The following NOS3 variants were observed in gnomAD, a reference collection of about 807,000 sequenced individuals.
The protein encoded by NOS3 is NOS type III.
A neutral mutation model predicts 144.9 loss-of-function variants in NOS3; 98 were observed. The ratio of observed to expected loss-of-function variants is 0.68; its 90% CI spans 0.57 to 0.80. The LOEUF (loss-of-function observed/expected upper bound fraction) is 0.80, where lower values mean the gene tolerates loss of function less well. Ranked by LOEUF, NOS3 falls within the 30% of genes least tolerant of loss-of-function variation. The pLI, the probability that NOS3 is intolerant of heterozygous loss-of-function variation, is 0.00. For synonymous variants in NOS3, 714 were observed against 702.4 expected, an observed-to-expected ratio of 1.02 and a Z score of -0.26; for missense variants, 1,465 against 1,656.4, an observed-to-expected ratio of 0.88 and a Z score of 2.01.
rs997689159 is a variant in NOS3 at position 151,003,322 on chromosome 7, C to T, written c.1752+1018C>T. 9.1e-6 allele frequency: 6 copies of T among 659,764 alleles called. No individual in the cohort carries two copies. The highest frequency in any genetic ancestry group is 1.4e-5 in the Non-Finnish European group (6 of 419,286). The allele number at this position is 659,764 out of a possible 1,614,324, so 40.9% of individuals were successfully genotyped here. Reference sequence around the variant, plus strand: ...TGTATTTTTTATAGAGATGGGGTTTCGCCATGTTGCCCAGGCTGGTCTCTA... The same window carrying T: ...TGTATTTTTTATAGAGATGGGGTTTTGCCATGTTGCCCAGGCTGGTCTCTA... On this transcript the variant is annotated intron_variant, in intron 14 of 26. Coordinates refer to ENST00000297494, the MANE Select transcript of NOS3 (RefSeq NM_000603.5). This position sits in a 1 kb window ranked among gnomAD's most constrained non-coding sequence, Gnocchi z 4.1.
intron 10 of NOS3, 110 bp from the exon 11 acceptor site, chr7:151,001,121 T>C (rs1237634753): frequency 5.8e-6 from 6 of 1,029,454 alleles, no homozygotes; most frequent in African/African-American, 1.6e-5. Context: ...GTGTGTTAGA[T>C]ATGGGGTAAT....
rs142910826 is a variant in NOS3, at chr7:151,010,274, A to C, written c.2672A>C (p.Glu891Ala). The change falls in exon 21 of 27, where the codon GAG (glutamate) becomes GCG (alanine). Residue 891 changes from glutamate (E) to alanine (A), a missense_variant. By Grantham distance (107) the Glu-to-Ala change is moderately radical (BLOSUM62 -1). Around this residue, in one of 5 missense-constraint regions of NOS3, gnomAD observed 745 missense variants for 853.9 expected, o/e 0.87. Coordinates refer to ENST00000297494, the MANE Select transcript of NOS3 (RefSeq NM_000603.5). ...AEEPREQQEL[E>A]ALSQDPRRYE... Reference sequence around the variant, plus strand: ...GAGCCCAGGGAACAGCAGGAGCTGGAGGCCCTCAGCCAGGTTGGGGGCCAC... The same window carrying C: ...GAGCCCAGGGAACAGCAGGAGCTGGCGGCCCTCAGCCAGGTTGGGGGCCAC... The C allele has an allele frequency of 2.5e-5, 40 of 1,612,478 alleles. No homozygotes were observed. Among genetic ancestry groups the C allele is most frequent in the Non-Finnish European group, 3.4e-5 (40 of 1,179,748 alleles).
chr7:151,013,637 T>C lies in NOS3; in HGVS notation c.3256-87T>C, dbSNP rs1265953910. 14 of 1,246,982 alleles carry C rather than the reference T, an allele frequency of 1.1e-5. No individual in the cohort carries two copies. In the Admixed American group the frequency reaches 3.1e-4, roughly 28 times the overall value. The allele number at this position is 1,246,982 out of a possible 1,614,324, so 77.2% of individuals were successfully genotyped here. A position where few individuals can be genotyped will look rare whatever the true frequency, so the allele number is the denominator to read the frequency against. On this transcript the variant is annotated intron_variant, in intron 25 of 26. Coordinates refer to ENST00000297494, the MANE Select transcript of NOS3 (RefSeq NM_000603.5). ...GCCCCACCAGGCCCGCTCCGGAGAC[T>C]TTCACGTCCAGGGCCAGCCAGCAGC...
At position 151,010,956 on chromosome 7, in the gene NOS3, C is replaced by A; in HGVS notation, c.2954C>A (p.Pro985His). The A allele has an allele frequency of 6.2e-7, 1 of 1,613,896 alleles. No homozygotes were observed. Among genetic ancestry groups the A allele is most frequent in the Non-Finnish European group, 8.5e-7 (1 of 1,179,894 alleles). The stretch of plus-strand genomic sequence containing the variant: ...TCCACGTGGCTAAGCCAGCTCAAGC[C>A]CGGAGACCCTGTGCCCTGCTTCATC... ...VCSTWLSQLK[P>H]GDPVPCFIRG... The change falls in exon 23 of 27, where the codon CCC becomes CAC. Residue 985 changes from proline to histidine, a missense_variant. By Grantham distance (77) the Pro-to-His change is moderately conservative. This residue lies in a region of NOS3 where 106 missense variants were observed against 167.7 expected (regional missense o/e 0.63). Transcript: ENST00000297494.
chr7:151,007,146 G>C lies in NOS3; in HGVS notation c.1982G>C (p.Cys661Ser), dbSNP rs1236815027. The C allele has an allele frequency of 6.2e-7, 1 of 1,613,996 alleles. No individual in the cohort carries two copies. The highest frequency in any genetic ancestry group is 1.1e-5 in the South Asian group (1 of 91,086). The change falls in exon 17 of 27, where the codon TGC becomes TCC. Residue 661 changes from cysteine to serine, a missense_variant. By Grantham distance (112) the Cys-to-Ser change is moderately radical (BLOSUM62 -1). Transcript: ENST00000297494. ...GLGSRAYPHF[C>S]AFARAVDTRL... ...GGCTCCCGGGCATACCCCCACTTCT[G>C]CGCCTTTGCTCGTGCCGTGGACACA...
At chr7:151,007,930 T>G (rs1795231423) in intron 17 of NOS3, among the ~76,000 whole-genome samples, 1 of 152,022 alleles carries the variant, frequency 6.6e-6, no homozygotes, top group Admixed American at 6.5e-5. Context: ...AGGCTGGAGC[T>G]CAGCAGATTT....
chr7:151,012,534 G>A (rs1795328848), intron 24 of NOS3, 62 bp downstream of exon 24: 1 of 1,553,968 alleles, frequency 6.4e-7, no homozygotes, highest in Non-Finnish European at 8.8e-7. Flanking sequence ...CAGAGGGGTG[G>A]GGCTGGAAGG....
In NOS3 at chr7:151,013,894, C is replaced by T. The variant is rs777835797; in HGVS notation, c.3426C>T (p.Ala1142=). The T allele has an allele frequency of 5.5e-5, 88 of 1,600,002 alleles. No individual in the cohort carries two copies. The highest frequency in any genetic ancestry group is 6.5e-5 in the Non-Finnish European group (76 of 1,173,698). ...AGGGCGACATGGAGCTGGACGAGGC[C>T]GGCGACGTCATCGGCGTGCTGCGGG... ...ATEGDMELDE[A]GDVIGVLRDQ... The change falls in exon 26 of 27, where the codon GCC becomes GCT. Residue 1142 remains alanine, a synonymous_variant. Coordinates refer to ENST00000297494, the MANE Select transcript of NOS3 (RefSeq NM_000603.5).
intron 9 of NOS3, among the ~76,000 whole-genome samples, chr7:151,000,001 G>A (rs1210737428): frequency 6.7e-6 from 1 of 148,936 alleles, no homozygotes; most frequent in South Asian, 2.1e-4. Flanking sequence ...TGTGGGGTGT[G>A]TAGGGGCGAG....
intron 20 of NOS3, 32 bp downstream of exon 20, chr7:151,009,617 ACCAGCCCCATGC>A: frequency 1.4e-6 from 2 of 1,475,622 alleles, no homozygotes; most frequent in Non-Finnish European, 1.8e-6. Context: ...AACAGGGCAC[ACCAGCCCCATGC>A]CCAGCCCCAC....
At chr7:151,011,093 G>A (rs1330920424) in intron 23 of NOS3, 107 bp downstream of exon 23, 2 of 750,702 alleles carry the variant, frequency 2.7e-6, no homozygotes, top group Non-Finnish European at 4.6e-6. Context: ...AAGGAGCTCT[G>A]TAACATGTCA....
Position 151,003,608 on chromosome 7 carries a change from C to A in NOS3, c.1752+1304C>A. 1 of 1,198,916 alleles carries A rather than the reference C, an allele frequency of 8.3e-7. No individual in the cohort carries two copies. The highest frequency in any genetic ancestry group is 1.1e-6 in the Non-Finnish European group (1 of 892,282). 74.3% of individuals were successfully genotyped at this position (1,198,916 alleles called of 1,614,324 possible). ...CTTCACAAGGCATAGCACATTTTCA[C>A]CACCCTGGAAAGTTCCCTCATCAGT... On this transcript the variant is annotated intron_variant, in intron 14 of 26. Coordinates refer to ENST00000297494, the MANE Select transcript of NOS3 (RefSeq NM_000603.5). This position sits in a 1 kb window ranked among gnomAD's most constrained non-coding sequence, Gnocchi z 4.1.
At chr7:151,011,098 A>G in intron 23 of NOS3, 112 bp downstream of exon 23, 2 of 725,340 alleles carry the variant, frequency 2.8e-6, no homozygotes, top group Non-Finnish European at 2.4e-6. Flanking sequence ...GCTCTGTAAC[A>G]TGTCAAGGGT....
At chr7:150,994,665 T>C (rs1802328499) in intron 2 of NOS3, among the ~76,000 whole-genome samples, 1 of 152,176 alleles carries the variant, frequency 6.6e-6, no homozygotes, top group East Asian at 1.9e-4. Flanking sequence ...CAGGGAAGGC[T>C]GAGGGCCGGG....
At chr7:151,013,688 C>A in intron 25 of NOS3, 36 bp from the exon 26 acceptor site, 2 of 1,503,704 alleles carry the variant, frequency 1.3e-6, no homozygotes, top group South Asian at 2.4e-5. Flanking sequence ...CGCGCCCACC[C>A]CCACCAGGGC....
In NOS3 at chr7:150,998,874, C is replaced by T; in HGVS notation, c.817-72C>T. On this transcript the variant is annotated intron_variant, in intron 7 of 26. Coordinates refer to ENST00000297494, the MANE Select transcript of NOS3 (RefSeq NM_000603.5). This position sits in a 1 kb window ranked among gnomAD's most constrained non-coding sequence, Gnocchi z 5.0. ...GGACCCTGGAGATGAAGGCAGGAGA[C>T]AGTGGATGGAGGGGTCCCTGAGGAG... 1.3e-6 allele frequency: 2 copies of T among 1,544,870 alleles called. No individual in the cohort carries two copies. Among genetic ancestry groups the T allele is most frequent in the East Asian group, 2.3e-5 (1 of 44,144 alleles).
chr7:150,999,798 T>A, intron 9 of NOS3, among the ~76,000 whole-genome samples: 1 of 134,052 alleles, frequency 7.5e-6, no homozygotes, highest in African/African-American at 2.9e-5. Flanking sequence ...GTGTGTGGGT[T>A]TGTAGGGGTA....
At position 150,998,548 on chromosome 7, in the gene NOS3, C is replaced by A. The variant is rs1216416357; in HGVS notation, c.684C>A (p.Ile228=). 6.2e-7 allele frequency: 1 copy of A among 1,610,634 alleles called. No homozygotes were observed. Among genetic ancestry groups the A allele is most frequent in the South Asian group, 1.1e-5 (1 of 90,642 alleles). The part of the protein sequence containing the change: ...ATNRGNLRSA[I]TVFPQRCPGR... ...TCCCCATGCGTGCCAGCTCGGCCAT[C>A]ACAGTGTTCCCGCAGCGCTGCCCTG... The change falls in exon 7 of 27, where the codon ATC becomes ATA. Residue 228 remains isoleucine, a synonymous_variant. Transcript: ENST00000297494. The surrounding 1 kb of genome is among the most constrained non-coding windows in gnomAD (Gnocchi z 5.0).
rs201015554 is a variant in NOS3, at chr7:151,013,929, GCGGGC to G, written c.3450+18_3450+22del. 6.3e-7 allele frequency: 1 copy of G among 1,598,094 alleles called. No individual in the cohort carries two copies. Among genetic ancestry groups the G allele is most frequent in the South Asian group, 1.1e-5 (1 of 89,370 alleles). On this transcript the variant is annotated intron_variant, in intron 26 of 26. Coordinates refer to ENST00000297494, the MANE Select transcript of NOS3 (RefSeq NM_000603.5). Reference sequence around the variant, plus strand: ...ATCGGCGTGCTGCGGGTGCGGAGGGGCGGGCCGGGCCTGAGCGTGCGGGGTTCCTG... The same window carrying G: ...ATCGGCGTGCTGCGGGTGCGGAGGGGCGGGCCTGAGCGTGCGGGGTTCCTG...
Sources: allele counts gnomAD v4.1 joint callset (sites outside exome capture counted in the v4.1 genomes callset), GRCh38; gene constraint gnomAD v4.1.1; regional missense constraint gnomAD v4.1.1; non-coding constraint Gnocchi (gnomAD v3.1); transcripts MANE v1.5; gene names NCBI Gene and HGNC (gene_info 2026-07-23, HGNC 2026-07-21).